STPG2: variants seen among roughly 807,000 people sequenced by gnomAD.
STPG2 encodes sperm-tail PG-rich repeat-containing protein 2.
Under a neutral mutation model 54.2 loss-of-function variants are expected in STPG2, and 56 were observed. The ratio of observed to expected loss-of-function variants is 1.03; its 90% CI spans 0.83 to 1.29. The LOEUF is 1.29. Ranked by LOEUF, STPG2 falls within the 50% of genes most tolerant of loss-of-function variation. The pLI is 0.00. For missense variants in STPG2, 596 were observed against 544.9 expected (o/e 1.09, Z -0.93); for synonymous variants, 200 against 181.8 (o/e 1.10, Z -0.81).
At chr4:97,955,708 T>TA (rs1214722927) in intron 7 of STPG2, among the ~76,000 whole-genome samples, 1 of 152,050 alleles carries the variant, frequency 6.6e-6, no homozygotes, top group Non-Finnish European at 1.5e-5. Context: ...GCTAATGTAT[T>TA]AAAAAGAAAA....
chr4:97,502,711 G>C (rs1401039479), intron 4 of STPG2, among the ~76,000 whole-genome samples: 1 of 151,696 alleles, frequency 6.6e-6, no homozygotes, highest in Non-Finnish European at 1.5e-5. Flanking sequence ...AGAGTTGCAA[G>C]GCAGTCTTTA....
intron 3 of STPG2, among the ~76,000 whole-genome samples, chr4:98,114,811 C>T (rs1419531437): frequency 6.6e-6 from 1 of 150,496 alleles, no homozygotes; most frequent in Non-Finnish European, 1.5e-5. Context: ...ATATCCATTT[C>T]ATTTAAACCA....
intron 4 of STPG2, among the ~76,000 whole-genome samples, chr4:97,485,870 G>A (rs1169624453): frequency 1.3e-5 from 2 of 151,730 alleles, no homozygotes; most frequent in African/African-American, 2.4e-5. Context: ...ACAGAATAGA[G>A]AACCCAGAAA....
Position 98,049,482 on chromosome 4 carries a change from A to T in STPG2, c.612+56471T>A, listed in dbSNP as rs958152878. ...AATCCAAAGGCTCCCAACTATCAAA[A>T]ACAGAACATATTGAGCAGCAGTAAG... On this transcript the variant is annotated intron_variant, in intron 5 of 10. Transcript: ENST00000295268. Among the ~76,000 whole-genome samples the T allele has an allele frequency of 5.9e-5, 9 of 152,334 alleles. 1 individual carries two copies. The highest frequency in any genetic ancestry group is 6.8e-3 in the Middle Eastern group (2 of 294).
chr4:97,750,190 T>TA (rs1725541379), intron 9 of STPG2, among the ~76,000 whole-genome samples: 1 of 151,832 alleles, frequency 6.6e-6, no homozygotes, highest in Non-Finnish European at 1.5e-5. Flanking sequence ...CTTTCACTGA[T>TA]AGAGCCCTTA....
At chr4:97,683,198 A>T (rs1461479485) in intron 10 of STPG2, among the ~76,000 whole-genome samples, 1 of 151,588 alleles carries the variant, frequency 6.6e-6, no homozygotes, top group Non-Finnish European at 1.5e-5. Flanking sequence ...ATGAGCCCTT[A>T]CCCAGATTTA....
intron 9 of STPG2, among the ~76,000 whole-genome samples, chr4:97,770,816 T>C (rs1435869190): frequency 1.3e-5 from 2 of 152,130 alleles, no homozygotes; most frequent in Non-Finnish European, 2.9e-5. Flanking sequence ...TATTGAGACA[T>C]GGAAGGCAGA....
intron 4 of STPG2, among the ~76,000 whole-genome samples, chr4:97,496,638 C>G (rs898798941): frequency 4.6e-5 from 7 of 151,676 alleles, no homozygotes; most frequent in Non-Finnish European, 7.4e-5. Flanking sequence ...AACGTGTACC[C>G]CCTATGTTTG....
intron 5 of STPG2, among the ~76,000 whole-genome samples, chr4:98,023,921 G>C (rs1209758113): frequency 6.6e-6 from 1 of 152,144 alleles, no homozygotes; most frequent in Admixed American, 6.5e-5. Flanking sequence ...GATTTTCCAG[G>C]TGCCGTCTGT....
chr4:97,973,267 T>C (rs1476306460), intron 6 of STPG2, among the ~76,000 whole-genome samples: 3 of 152,160 alleles, frequency 2.0e-5, no homozygotes, highest in Non-Finnish European at 4.4e-5. Context: ...TTGTTATGTT[T>C]TGGCAAAAAG....
intron 10 of STPG2, among the ~76,000 whole-genome samples, chr4:97,610,539 G>C (rs1481395899): frequency 6.6e-6 from 1 of 151,994 alleles, no homozygotes; most frequent in Non-Finnish European, 1.5e-5. Context: ...CATGGGAAGA[G>C]TGCACACTTT....
chr4:97,986,480 C>A (rs1348943924), intron 5 of STPG2, among the ~76,000 whole-genome samples: 1 of 152,166 alleles, frequency 6.6e-6, no homozygotes, highest in African/African-American at 2.4e-5. Flanking sequence ...TAGAAATGAC[C>A]TATGGCCAGG....
intron 10 of STPG2, among the ~76,000 whole-genome samples, chr4:97,665,307 C>A (rs899253379): frequency 6.6e-6 from 1 of 152,106 alleles, no homozygotes; most frequent in Non-Finnish European, 1.5e-5. Context: ...GAATGAGGTA[C>A]AGGTACAAGT....
intron 8 of STPG2, among the ~76,000 whole-genome samples, chr4:97,906,093 G>C (rs1182902274): frequency 6.6e-6 from 1 of 151,774 alleles, no homozygotes; most frequent in African/African-American, 2.4e-5. Flanking sequence ...TTTTTGAAAG[G>C]ATCAACAAAA....
intron 10 of STPG2, among the ~76,000 whole-genome samples, chr4:97,667,275 T>G (rs1011580705): frequency 1.3e-5 from 2 of 152,206 alleles, no homozygotes; most frequent in Non-Finnish European, 2.9e-5. Context: ...TTTCAATAAC[T>G]AAAATACTTC....
At chr4:97,880,818 G>C (rs1179600669) in intron 8 of STPG2, among the ~76,000 whole-genome samples, 1 of 151,886 alleles carries the variant, frequency 6.6e-6, no homozygotes, top group Non-Finnish European at 1.5e-5. Flanking sequence ...CACACACTTA[G>C]GAGTAACTGA....
intron 7 of STPG2, among the ~76,000 whole-genome samples, chr4:97,960,847 C>T (rs1001410278): frequency 1.3e-5 from 2 of 151,732 alleles, no homozygotes; most frequent in Non-Finnish European, 2.9e-5. Context: ...GAAAAAATAT[C>T]CTAAAATTGA....
intron 5 of STPG2, among the ~76,000 whole-genome samples, chr4:98,094,679 A>G (rs2110129712): frequency 6.6e-6 from 1 of 152,326 alleles, no homozygotes; most frequent in South Asian, 2.1e-4. Context: ...TTGGGCTTTA[A>G]GTGAACATTG....
intron 5 of STPG2, among the ~76,000 whole-genome samples, chr4:98,064,801 G>C (rs1442020011): frequency 3.9e-5 from 6 of 152,108 alleles, no homozygotes; most frequent in African/African-American, 1.4e-4. Flanking sequence ...GGTTTAGTGA[G>C]ATTCATGATT....
Sources: gnomAD v4.1 joint callset for allele counts (sites outside exome capture counted in the v4.1 genomes callset) on GRCh38, gnomAD v4.1.1 for gene constraint, MANE v1.5 for transcripts, NCBI Gene and HGNC (gene_info 2026-07-23, HGNC 2026-07-21) for gene names.